The following TACR1 variants were observed in gnomAD, a reference collection of about 807,000 sequenced individuals.
TACR1 encodes the protein substance-P receptor.
TACR1 carries 25 observed loss-of-function variants against 35.8 expected under a neutral mutation model. The observed-to-expected ratio is 0.70, with a 90% CI of 0.51 to 0.98. The LOEUF (loss-of-function observed/expected upper bound fraction) is 0.98, where lower values mean the gene tolerates loss of function less well. Among genes scored for constraint, TACR1 ranks in the 50% least tolerant of loss-of-function variants. The pLI is 0.00. For missense variants in TACR1, 478 were observed against 522.9 expected (o/e 0.91, Z 0.84); for synonymous variants, 195 against 206.7 (o/e 0.94, Z 0.48).
intron 1 of TACR1, chr2:75,154,400 G>C (rs1254724005): frequency 1.3e-5 from 1 of 79,654 alleles, no homozygotes; most frequent in African/African-American, 6.8e-5. Flanking sequence ...AATCAGCCAA[G>C]AGCGCGCACG....
intron 1 of TACR1, among the ~76,000 whole-genome samples, chr2:75,184,174 G>T (rs1003857841): frequency 3.3e-5 from 5 of 152,208 alleles, no homozygotes; most frequent in Admixed American, 3.3e-4. Context: ...TATTCTAGGA[G>T]TTCTAGAACA....
At chr2:75,155,989 AGAC>A (rs1191377134) in intron 1 of TACR1, among the ~76,000 whole-genome samples, 9 of 152,400 alleles carry the variant, frequency 5.9e-5, no homozygotes, top group African/African-American at 2.2e-4. Flanking sequence ...AATAAAAAGA[AGAC>A]TATTTCACAA....
At chr2:75,172,296 A>C (rs1235547455) in intron 1 of TACR1, among the ~76,000 whole-genome samples, 1 of 152,198 alleles carries the variant, frequency 6.6e-6, no homozygotes, top group East Asian at 1.9e-4. Flanking sequence ...GAACAGCCCC[A>C]TCCCAAGTTT....
intron 2 of TACR1, among the ~76,000 whole-genome samples, chr2:75,081,983 C>T (rs1433702337): frequency 1.3e-5 from 2 of 151,252 alleles, no homozygotes; most frequent in Non-Finnish European, 2.9e-5. Flanking sequence ...AGGTTTGTTA[C>T]ATATGTATAC....
rs113299331 is a variant in TACR1 at position 75,050,765 on chromosome 2, G to A, written c.932+486C>T. 1.2e-3 allele frequency among the ~76,000 whole-genome samples: 188 copies of A among 152,292 alleles called. 1 individual carries two copies. The highest frequency in any genetic ancestry group is 4.3e-3 in the African/African-American group (180 of 41,554). ...GAAAATGGGTAAAGCTGCTCAGATC[G>A]TAAGATGGAATGGGAAAAAGACAGT... On this transcript the variant is annotated intron_variant, in intron 4 of 4. Transcript: ENST00000305249.
chr2:75,082,512 A>G (rs1013058558), intron 2 of TACR1, among the ~76,000 whole-genome samples: 1 of 152,306 alleles, frequency 6.6e-6, no homozygotes, highest in South Asian at 2.1e-4. Context: ...TGTCTTCCAC[A>G]ATGGTTGAAC....
At chr2:75,064,940 G>T (rs548396841) in intron 2 of TACR1, among the ~76,000 whole-genome samples, 3 of 152,186 alleles carry the variant, frequency 2.0e-5, no homozygotes, top group African/African-American at 7.2e-5. Context: ...GTGGTGGAGA[G>T]GGAGACCCTG....
At chr2:75,063,993 C>T (rs1672719874) in intron 2 of TACR1, among the ~76,000 whole-genome samples, 1 of 152,034 alleles carries the variant, frequency 6.6e-6, no homozygotes, top group Admixed American at 6.6e-5. Flanking sequence ...TGGCCCTTCC[C>T]AGCATGACAT....
chr2:75,073,662 G>T (rs552225569), intron 2 of TACR1, among the ~76,000 whole-genome samples: 2 of 152,286 alleles, frequency 1.3e-5, no homozygotes, highest in East Asian at 3.9e-4. Context: ...CAGTGGGTCT[G>T]GGGGGAGGTG....
In TACR1 at chr2:75,163,681, T is replaced by G. The variant is rs145774499; in HGVS notation, c.389+34865A>C. 5.3e-4 allele frequency among the ~76,000 whole-genome samples: 80 copies of G among 152,332 alleles called. 2 individuals carry two copies. The East Asian group carries it at 0.015, about 28-fold the overall frequency. ...AAAAATATGATATTCAACGTTGTTT[T>G]CATTAGAAGTATTTTATGACTTATT... On this transcript the variant is annotated intron_variant, in intron 1 of 4. Coordinates refer to ENST00000305249, the MANE Select transcript of TACR1 (RefSeq NM_001058.4).
chr2:75,127,899 C>G (rs544245431), intron 1 of TACR1, among the ~76,000 whole-genome samples: 2 of 152,258 alleles, frequency 1.3e-5, no homozygotes, highest in African/African-American at 2.4e-5. Flanking sequence ...GTTCAAAAAT[C>G]TCTTGGAGAT....
At position 75,097,571 on chromosome 2, in the gene TACR1, A is replaced by G. The variant is rs764233347; in HGVS notation, c.584+23003T>C. Among the ~76,000 whole-genome samples the G allele has an allele frequency of 1.2e-3, 181 of 152,196 alleles. 3 individuals are homozygous for G. Among genetic ancestry groups the G allele is most frequent in the Non-Finnish European group, 2.2e-4 (15 of 68,034 alleles). On this transcript the variant is annotated intron_variant, in intron 2 of 4. Coordinates refer to ENST00000305249, the MANE Select transcript of TACR1 (RefSeq NM_001058.4). ...TTAAAAGTAATGACAGTGACAGATC[A>G]TCACAGAAGAGTCATCACAGAAGAC... is the stretch of plus-strand genomic sequence containing the variant.
rs142668894 is a variant in TACR1 at position 75,144,178 on chromosome 2, G to A, written c.390-23410C>T. Among the ~76,000 whole-genome samples the A allele has an allele frequency of 2.0e-3, 298 of 152,318 alleles. 1 individual carries two copies. The highest frequency in any genetic ancestry group is 7.0e-3 in the African/African-American group (289 of 41,582). On this transcript the variant is annotated intron_variant, in intron 1 of 4. Coordinates refer to ENST00000305249, the MANE Select transcript of TACR1 (RefSeq NM_001058.4). ...GGACAATAAGTGTGGTCTTACATAA[G>A]TATACAGAAGTTCAGTGGGAGCTGA... is the stretch of plus-strand genomic sequence containing the variant.
chr2:75,199,182 C>T lies in TACR1; in HGVS notation c.-248G>A. The T allele has an allele frequency of 2.0e-6, 1 of 500,098 alleles. No homozygotes were observed. Among genetic ancestry groups the T allele is most frequent in the Non-Finnish European group, 3.6e-6 (1 of 279,750 alleles). The allele number at this position is 500,098 out of a possible 1,614,324, so 31.0% of individuals were successfully genotyped here. ...TCAAGCTTCAGGAGACGTTTGAGTT[C>T]AGAAGTCTGGAGACAGCATCTCTCT... is the stretch of plus-strand genomic sequence containing the variant. On this transcript the variant is annotated 5_prime_UTR_variant, in exon 1 of 5. It removes the in-frame stop codon of an upstream open reading frame in the 5' UTR. Transcript: ENST00000305249.
At chr2:75,090,137 T>C (rs1319127741) in intron 2 of TACR1, among the ~76,000 whole-genome samples, 1 of 152,224 alleles carries the variant, frequency 6.6e-6, no homozygotes, top group African/African-American at 2.4e-5. Flanking sequence ...GGGTGTGCAG[T>C]TCCCTGCTGT....
Position 75,048,456 on chromosome 2 carries a change from T to A in TACR1, c.*976A>T, listed in dbSNP as rs1016707558. 2 of 152,228 alleles carry A rather than the reference T, an allele frequency of 1.3e-5. No homozygotes were observed. Among genetic ancestry groups the A allele is most frequent in the African/African-American group, 4.8e-5 (2 of 41,464 alleles). 9.4% of individuals were successfully genotyped at this position (152,228 alleles called of 1,614,324 possible). A position where few individuals can be genotyped will look rare whatever the true frequency, so the allele number is the denominator to read the frequency against. ...AAGGAATGTACTCAGGATTTTAAGA[T>A]AAATCGGAGAATGTCTGAGATGGAT... On this transcript the variant is annotated 3_prime_UTR_variant, in exon 5 of 5. Transcript: ENST00000305249.
At chr2:75,196,121 G>A (rs949482712) in intron 1 of TACR1, among the ~76,000 whole-genome samples, 6 of 152,176 alleles carry the variant, frequency 3.9e-5, no homozygotes, top group African/African-American at 7.2e-5. Flanking sequence ...TTGATTCAAA[G>A]GTTGTCTGTT....
intron 2 of TACR1, among the ~76,000 whole-genome samples, chr2:75,096,466 A>T (rs1572927874): frequency 6.6e-6 from 1 of 152,288 alleles, no homozygotes; most frequent in Non-Finnish European, 1.5e-5. Context: ...GGATAAATTT[A>T]ATTGTGTGTA....
intron 2 of TACR1, 88 bp downstream of exon 2, chr2:75,120,486 G>T: frequency 1.6e-6 from 2 of 1,266,734 alleles, no homozygotes; most frequent in African/African-American, 1.5e-5. Flanking sequence ...ACCAACAAAA[G>T]AATATGGAAA....
Sources: allele counts gnomAD v4.1 joint callset (sites outside exome capture counted in the v4.1 genomes callset), GRCh38; gene constraint gnomAD v4.1.1; transcripts MANE v1.5; gene names NCBI Gene and HGNC (gene_info 2026-07-23, HGNC 2026-07-21).